Variants in ANO10 observed in about 807,000 individuals in gnomAD.
ANO10 encodes anoctamin-10.
Under a neutral mutation model 74.7 loss-of-function variants are expected in ANO10, and 77 were observed. The observed-to-expected ratio is 1.03, with a 90% CI of 0.86 to 1.25. The LOEUF (loss-of-function observed/expected upper bound fraction) is 1.25, where lower values mean the gene tolerates loss of function less well. Ranked by LOEUF, ANO10 falls within the 50% of genes most tolerant of loss-of-function variation. The probability of loss-of-function intolerance (pLI) is 0.00; values close to 1 mark genes in which losing one functional copy is unlikely to be tolerated. For synonymous variants in ANO10, 279 were observed against 284.9 expected, an observed-to-expected ratio of 0.98 and a Z score of 0.21; for missense variants, 721 against 778.1, an observed-to-expected ratio of 0.93 and a Z score of 0.87.
chr3:43,590,613 T>A (rs1427232131), intron 4 of ANO10, among the ~76,000 whole-genome samples: 1 of 152,178 alleles, frequency 6.6e-6, no homozygotes, highest in Non-Finnish European at 1.5e-5. Flanking sequence ...ACAAATGGCA[T>A]GGTCTCTTCA....
At chr3:43,594,927 G>T (rs915718623) in intron 4 of ANO10, among the ~76,000 whole-genome samples, 3 of 151,982 alleles carry the variant, frequency 2.0e-5, no homozygotes, top group African/African-American at 4.8e-5. Context: ...ATGATAAAGG[G>T]GATATCACCA....
At chr3:43,436,485 G>A (rs942118419) in intron 11 of ANO10, among the ~76,000 whole-genome samples, 1 of 152,114 alleles carries the variant, frequency 6.6e-6, no homozygotes, top group African/African-American at 2.4e-5. Flanking sequence ...CAGTGAAGGT[G>A]GGGGGAGGGT....
chr3:43,560,565 T>A (rs1456553826), intron 9 of ANO10, among the ~76,000 whole-genome samples: 3 of 152,148 alleles, frequency 2.0e-5, no homozygotes, highest in African/African-American at 7.2e-5. Flanking sequence ...AGGTGCAGGA[T>A]GTTAAGAAAC....
intron 4 of ANO10, among the ~76,000 whole-genome samples, chr3:43,584,838 CAAATT>C (rs1357617271): frequency 6.6e-6 from 1 of 152,076 alleles, no homozygotes; most frequent in Non-Finnish European, 1.5e-5. Flanking sequence ...AAATGAAAAT[CAAATT>C]AAACGTAAGA....
chr3:43,554,348 C>A (rs898309692), intron 10 of ANO10, among the ~76,000 whole-genome samples: 2 of 152,000 alleles, frequency 1.3e-5, no homozygotes, highest in Non-Finnish European at 1.5e-5. Flanking sequence ...CGCCCAGCAG[C>A]ATGCTGGCTA....
chr3:43,551,576 A>T (rs1388975469), intron 10 of ANO10: 1 of 456,848 alleles, frequency 2.2e-6, no homozygotes, highest in African/African-American at 2.0e-5. Context: ...CCTGTGTCCA[A>T]ACAAAATATG....
At chr3:43,594,600 A>G (rs2081981921) in intron 4 of ANO10, among the ~76,000 whole-genome samples, 2 of 152,224 alleles carry the variant, frequency 1.3e-5, no homozygotes, top group South Asian at 4.1e-4. Context: ...TCTCTGGGAC[A>G]CATTTAAAGC....
At chr3:43,377,187 G>C (rs1203453729) in intron 12 of ANO10, among the ~76,000 whole-genome samples, 2 of 152,172 alleles carry the variant, frequency 1.3e-5, no homozygotes, top group African/African-American at 2.4e-5. Context: ...TCCGGGATCA[G>C]GTGATCCTCC....
chr3:43,670,170 T>C lies in ANO10; in HGVS notation c.-12+21347A>G, dbSNP rs146576702. Among the ~76,000 whole-genome samples, 100 of 152,028 alleles carry C rather than the reference T, an allele frequency of 6.6e-4. 3 individuals carry two copies. Among genetic ancestry groups the C allele is most frequent in the African/African-American group, 2.3e-3 (97 of 41,458 alleles). On this transcript the variant is annotated intron_variant, in intron 1 of 3. Transcript: ENST00000413397. ...GAGTTCGTGACAAGCCTGGGCAACA[T>C]AGTGAGATCCCATCTCTACAAATAA...
chr3:43,617,579 T>C (rs1222372412), intron 1 of ANO10, among the ~76,000 whole-genome samples: 1 of 152,074 alleles, frequency 6.6e-6, no homozygotes, highest in African/African-American at 2.4e-5. Flanking sequence ...AGTCTGACCA[T>C]TGTGGTCAAG....
chr3:43,535,133 C>G (rs1366445652), intron 11 of ANO10, among the ~76,000 whole-genome samples: 3 of 151,860 alleles, frequency 2.0e-5, no homozygotes, highest in Admixed American at 6.6e-5. Context: ...ACCACCACAC[C>G]CGGCTAATTT....
intron 11 of ANO10, among the ~76,000 whole-genome samples, chr3:43,504,273 T>C (rs1178237021): frequency 6.7e-6 from 1 of 149,742 alleles, no homozygotes; most frequent in Non-Finnish European, 1.5e-5. Flanking sequence ...CCTCAAAAAA[T>C]AAGTAGATAG....
At chr3:43,634,169 T>G (rs2083581052) in intron 1 of ANO10, among the ~76,000 whole-genome samples, 1 of 152,132 alleles carries the variant, frequency 6.6e-6, no homozygotes, top group Non-Finnish European at 1.5e-5. Flanking sequence ...GGAGTAGCCT[T>G]GCCACCATCA....
At chr3:43,624,186 A>T (rs916172030), upstream of ANO10, among the ~76,000 whole-genome samples, 2 of 152,216 alleles carry the variant, frequency 1.3e-5, no homozygotes, top group Non-Finnish European at 2.9e-5. Context: ...AGTCCCCCTT[A>T]GCCACATTTC....
At chr3:43,468,206 G>T (rs982003723) in intron 11 of ANO10, among the ~76,000 whole-genome samples, 1 of 152,142 alleles carries the variant, frequency 6.6e-6, no homozygotes, top group Admixed American at 6.5e-5. Flanking sequence ...GCTGGTAGGT[G>T]GGTAATCCTT....
chr3:43,487,900 A>G (rs2076560309), intron 11 of ANO10, among the ~76,000 whole-genome samples: 2 of 151,714 alleles, frequency 1.3e-5, no homozygotes, highest in Admixed American at 6.6e-5. Flanking sequence ...GAGGCATCAC[A>G]CTACCTGACT....
intron 11 of ANO10, among the ~76,000 whole-genome samples, chr3:43,456,192 G>A (rs985443821): frequency 1.3e-5 from 2 of 152,142 alleles, no homozygotes; most frequent in African/African-American, 4.8e-5. Flanking sequence ...GGAAAAGGAC[G>A]CTACAAAAAT....
At chr3:43,580,717 C>T (rs2081228606) in intron 4 of ANO10, among the ~76,000 whole-genome samples, 1 of 152,038 alleles carries the variant, frequency 6.6e-6, no homozygotes, top group Admixed American at 6.6e-5. Flanking sequence ...AAAATTAAGA[C>T]TATGAGAGGC....
intron 4 of ANO10, among the ~76,000 whole-genome samples, chr3:43,587,570 A>C (rs1273574653): frequency 6.6e-6 from 1 of 152,208 alleles, no homozygotes; most frequent in East Asian, 1.9e-4. Flanking sequence ...GAAAGTACAC[A>C]GAACAAGAGG....
Sources: gnomAD v4.1 joint callset for allele counts (sites outside exome capture counted in the v4.1 genomes callset) on GRCh38, gnomAD v4.1.1 for gene constraint, MANE v1.5 for transcripts, NCBI Gene and HGNC (gene_info 2026-07-23, HGNC 2026-07-21) for gene names.